ELMO1: variants seen among roughly 807,000 people sequenced by gnomAD.
The protein encoded by ELMO1 is engulfment and cell motility 1, also known as engulfment and cell motility protein 1.
In ELMO1, 26 loss-of-function variants were observed where a neutral mutation model predicts 98.9. That is an observed-to-expected ratio of 0.26 (90% CI 0.19 to 0.36). The LOEUF is 0.36. Among genes scored for constraint, ELMO1 ranks in the 10% least tolerant of loss-of-function variants. ELMO1 has a pLI of 1.00. For missense variants in ELMO1, 627 were observed against 935.2 expected (o/e 0.67, Z 4.30); for synonymous variants, 346 against 346.0 (o/e 1.00, Z 0.00).
rs527888832 is a variant in ELMO1, at chr7:36,855,885, T to C, written c.1984-134A>G. On this transcript the variant is annotated intron_variant, in intron 21 of 21. Coordinates refer to ENST00000310758, the MANE Select transcript of ELMO1 (RefSeq NM_014800.11). The surrounding 1 kb of genome is among the most constrained non-coding windows in gnomAD (Gnocchi z 4.2). ...GGGCTCTGCCTACTTCGTCATTTCA[T>C]ATTTGGCGACATCTCAATATAAAGT... is the stretch of plus-strand genomic sequence containing the variant. The C allele has an allele frequency of 1.0e-6, 1 of 1,002,580 alleles. No individual in the cohort carries two copies. The highest frequency in any genetic ancestry group is 1.6e-5 in the South Asian group (1 of 62,624). 62.1% of individuals were successfully genotyped at this position (1,002,580 alleles called of 1,614,324 possible). A position where few individuals can be genotyped will look rare whatever the true frequency, so the allele number is the denominator to read the frequency against.
At chr7:36,907,025 A>G (rs1784015700) in intron 16 of ELMO1, among the ~76,000 whole-genome samples, 1 of 152,174 alleles carries the variant, frequency 6.6e-6, no homozygotes, top group Non-Finnish European at 1.5e-5. Flanking sequence ...CCTTTAAAGG[A>G]AGAGACCATG....
At chr7:37,261,104 T>C (rs959693753) in intron 5 of ELMO1, among the ~76,000 whole-genome samples, 1 of 149,798 alleles carries the variant, frequency 6.7e-6, no homozygotes. Flanking sequence ...TAGTGTTTGA[T>C]GCAGTTGATA....
intron 6 of ELMO1, among the ~76,000 whole-genome samples, chr7:37,256,320 T>C (rs1321458915): frequency 6.6e-6 from 1 of 152,086 alleles, no homozygotes; most frequent in Admixed American, 6.5e-5. Flanking sequence ...CCAGGCCTGT[T>C]TGTCGGTCTT....
chr7:37,365,844 G>A (rs902576061), intron 1 of ELMO1, among the ~76,000 whole-genome samples: 1 of 152,166 alleles, frequency 6.6e-6, no homozygotes, highest in Non-Finnish European at 1.5e-5. Context: ...TTGTACTGTC[G>A]TAGTATCAAA....
intron 16 of ELMO1, among the ~76,000 whole-genome samples, chr7:37,007,325 C>A (rs142635618): frequency 6.6e-6 from 1 of 152,192 alleles, no homozygotes; most frequent in Non-Finnish European, 1.5e-5. Flanking sequence ...ATTAGCCACA[C>A]CAGGCCCAGT....
intron 13 of ELMO1, among the ~76,000 whole-genome samples, chr7:37,143,389 G>A (rs1393447657): frequency 6.6e-6 from 1 of 152,072 alleles, no homozygotes; most frequent in African/African-American, 2.4e-5. Context: ...TGGCAGAGTG[G>A]GCCTGAGATC....
chr7:37,090,305 G>A (rs1784014925), intron 15 of ELMO1, among the ~76,000 whole-genome samples: 1 of 152,200 alleles, frequency 6.6e-6, no homozygotes, highest in Non-Finnish European at 1.5e-5. Flanking sequence ...GGACTGGGGT[G>A]AGCCTGTACA....
intron 4 of ELMO1, among the ~76,000 whole-genome samples, chr7:37,312,615 A>AT (rs1020045397): frequency 6.6e-6 from 1 of 151,992 alleles, no homozygotes; most frequent in South Asian, 2.1e-4. Context: ...AGCCCTACAT[A>AT]TTTTTTTAAG....
intron 1 of ELMO1, among the ~76,000 whole-genome samples, chr7:37,380,464 G>A (rs932516979): frequency 6.6e-6 from 1 of 152,232 alleles, no homozygotes; most frequent in African/African-American, 2.4e-5. Flanking sequence ...GGGATAGGAT[G>A]ACCATATGAC....
chr7:37,296,368 G>A (rs971253989), intron 4 of ELMO1, among the ~76,000 whole-genome samples: 10 of 152,180 alleles, frequency 6.6e-5, no homozygotes, highest in South Asian at 2.1e-4. Context: ...ATGGCAGTTC[G>A]CTATTTCTCG....
intron 13 of ELMO1, among the ~76,000 whole-genome samples, chr7:37,161,426 T>C (rs1257965410): frequency 6.6e-6 from 1 of 152,150 alleles, no homozygotes; most frequent in Non-Finnish European, 1.5e-5. Flanking sequence ...CCCGGGGTTT[T>C]ATCAACATAA....
intron 1 of ELMO1, among the ~76,000 whole-genome samples, chr7:37,383,258 T>C (rs1802649990): frequency 6.6e-6 from 1 of 152,232 alleles, no homozygotes; most frequent in Non-Finnish European, 1.5e-5. Context: ...TCTCCTTTAG[T>C]TTGGGATAGT....
intron 13 of ELMO1, among the ~76,000 whole-genome samples, chr7:37,184,440 GCAA>G (rs1237434889): frequency 6.6e-6 from 1 of 152,166 alleles, no homozygotes; most frequent in Non-Finnish European, 1.5e-5. Flanking sequence ...AGGCACTAAT[GCAA>G]CAACTGAAGA....
At chr7:37,447,671 C>A (rs998313951) in intron 1 of ELMO1, among the ~76,000 whole-genome samples, 1 of 149,538 alleles carries the variant, frequency 6.7e-6, no homozygotes, top group Non-Finnish European at 1.5e-5. Flanking sequence ...ACACACACAC[C>A]GACGACACAC....
At position 37,107,073 on chromosome 7, in the gene ELMO1, C is replaced by T. The variant is rs541212714; in HGVS notation, c.1192-10346G>A. 3.2e-4 allele frequency among the ~76,000 whole-genome samples: 48 copies of T among 152,284 alleles called. 1 individual carries two copies. The South Asian group carries it at 9.7e-3, about 31-fold the overall frequency. ...TTCCCAACATCCCTACAGTGTATTA[C>T]CCTTTGACCAATTCATTCATTCCAT... On this transcript the variant is annotated intron_variant, in intron 14 of 21. Transcript: ENST00000310758.
chr7:37,229,603 G>C (rs764265616), intron 8 of ELMO1, among the ~76,000 whole-genome samples: 3 of 152,064 alleles, frequency 2.0e-5, no homozygotes, highest in African/African-American at 7.2e-5. Flanking sequence ...TTTCCTAGTC[G>C]ATTTTTGTTG....
chr7:36,911,647 A>T (rs1784352080), intron 16 of ELMO1, among the ~76,000 whole-genome samples: 1 of 152,164 alleles, frequency 6.6e-6, no homozygotes, highest in Non-Finnish European at 1.5e-5. Context: ...CATACCTTAG[A>T]CCTGATCCTG....
chr7:37,263,728 C>A (rs1796097919), intron 5 of ELMO1, among the ~76,000 whole-genome samples: 1 of 152,108 alleles, frequency 6.6e-6, no homozygotes, highest in Non-Finnish European at 1.5e-5. Context: ...GTGGAACAAG[C>A]CTGGCCTGTC....
chr7:37,076,250 T>C (rs544452336), intron 15 of ELMO1, among the ~76,000 whole-genome samples: 3 of 152,306 alleles, frequency 2.0e-5, no homozygotes, highest in African/African-American at 7.2e-5. Flanking sequence ...TTTTTTCCTA[T>C]TTCTTGAGAT....
Sources: gnomAD v4.1 joint callset for allele counts (sites outside exome capture counted in the v4.1 genomes callset) on GRCh38, gnomAD v4.1.1 for gene constraint, Gnocchi (gnomAD v3.1) non-coding constraint, MANE v1.5 for transcripts, NCBI Gene and HGNC (gene_info 2026-07-23, HGNC 2026-07-21) for gene names.